The following RFX3 variants were observed in gnomAD, a reference collection of about 807,000 sequenced individuals.
RFX3 encodes transcription factor RFX3.
A neutral mutation model predicts 98.6 loss-of-function variants in RFX3; 14 were observed. The ratio of observed to expected loss-of-function variants is 0.14; its 90% CI spans 0.09 to 0.22. RFX3 has a LOEUF of 0.22. Among genes scored for constraint, RFX3 ranks in the 10% least tolerant of loss-of-function variants. The pLI is 1.00. For synonymous variants in RFX3, 383 were observed against 328.4 expected, an observed-to-expected ratio of 1.17 and a Z score of -1.80; for missense variants, 639 against 926.9, an observed-to-expected ratio of 0.69 and a Z score of 4.03.
intron 2 of RFX3, among the ~76,000 whole-genome samples, chr9:3,360,917 A>G (rs1836343864): frequency 2.6e-5 from 4 of 152,228 alleles, no homozygotes; most frequent in Non-Finnish European, 5.9e-5. Flanking sequence ...CTTATTAGTC[A>G]GCTAAGAACA....
chr9:3,257,967 T>G (rs1822358244), intron 13 of RFX3, among the ~76,000 whole-genome samples: 1 of 152,316 alleles, frequency 6.6e-6, no homozygotes. Context: ...TACTTTTCAG[T>G]GATTGCCATA....
chr9:3,238,122 C>T (rs1819423126), intron 15 of RFX3, among the ~76,000 whole-genome samples: 1 of 152,174 alleles, frequency 6.6e-6, no homozygotes, highest in African/African-American at 2.4e-5. Flanking sequence ...TACCGTGTCA[C>T]ATTATCTTTA....
chr9:3,354,660 C>T (rs1028224559), intron 2 of RFX3, among the ~76,000 whole-genome samples: 4 of 151,276 alleles, frequency 2.6e-5, no homozygotes, highest in Admixed American at 6.6e-5. Flanking sequence ...TTCTGACAAA[C>T]AAAAATACTT....
chr9:3,450,417 TAACAA>T (rs890661535), intron 1 of RFX3, among the ~76,000 whole-genome samples: 2 of 152,162 alleles, frequency 1.3e-5, no homozygotes, highest in African/African-American at 4.8e-5. Context: ...TCTCTTTCCT[TAACAA>T]AACATTCTCC....
In RFX3 at chr9:3,334,937, C is replaced by A. The variant is rs114532893; in HGVS notation, c.216-4420G>T. On this transcript the variant is annotated intron_variant, in intron 3 of 16. Transcript: ENST00000617270. Reference sequence around the variant, plus strand: ...GAGTTCGAGACCAGCCTGGCAAACACGGTGAAATTTGTCTTTACTAAAAAA... The same window carrying A: ...GAGTTCGAGACCAGCCTGGCAAACAAGGTGAAATTTGTCTTTACTAAAAAA... 4.6e-3 allele frequency among the ~76,000 whole-genome samples: 705 copies of A among 151,830 alleles called. 9 individuals are homozygous for A. Among genetic ancestry groups the A allele is most frequent in the African/African-American group, 0.016 (681 of 41,382 alleles).
rs181496047 is a variant in RFX3, at chr9:3,373,691, C to A, written c.117+21781G>T. On this transcript the variant is annotated intron_variant, in intron 2 of 16. Coordinates refer to ENST00000617270, the MANE Select transcript of RFX3 (RefSeq NM_001282116.2). ...TGGGAAGATCAATTTTATATACAGACCTGTTTGCCAAAAGCAGGAGGACAA... is the reference window on the plus strand; with the variant it reads ...TGGGAAGATCAATTTTATATACAGAACTGTTTGCCAAAAGCAGGAGGACAA... Among the ~76,000 whole-genome samples the A allele has an allele frequency of 7.7e-3, 1,170 of 152,192 alleles. 4 individuals are homozygous for A. The highest frequency in any genetic ancestry group is 0.013 in the Admixed American group (199 of 15,286).
intron 4 of RFX3, among the ~76,000 whole-genome samples, chr9:3,309,178 T>C (rs772357731): frequency 1.3e-5 from 2 of 152,146 alleles, no homozygotes; most frequent in Non-Finnish European, 2.9e-5. Context: ...TGTGACAGAC[T>C]ACAGCAGTGA....
chr9:3,221,509 G>A lies in RFX3; in HGVS notation c.*3533C>T, dbSNP rs895027180. 1 of 152,158 alleles carries A rather than the reference G, an allele frequency of 6.6e-6. No homozygotes were observed. The highest frequency in any genetic ancestry group is 2.4e-5 in the African/African-American group (1 of 41,458). The allele number at this position is 152,158 out of a possible 1,614,324, so 9.4% of individuals were successfully genotyped here. A position where few individuals can be genotyped will look rare whatever the true frequency, so the allele number is the denominator to read the frequency against. The stretch of plus-strand genomic sequence containing the variant: ...GTTTTTAAAGTACACCATCTAAAGA[G>A]AGGTGCATAAACCGTGCTATACAGT... On this transcript the variant is annotated 3_prime_UTR_variant, in exon 17 of 17. Coordinates refer to ENST00000617270, the MANE Select transcript of RFX3 (RefSeq NM_001282116.2).
chr9:3,256,396 A>C (rs749376454), intron 14 of RFX3, among the ~76,000 whole-genome samples: 2 of 151,230 alleles, frequency 1.3e-5, no homozygotes, highest in African/African-American at 4.9e-5. Flanking sequence ...AACAGTTATA[A>C]TTGATAAAAT....
At chr9:3,446,666 T>G (rs1002285886) in intron 1 of RFX3, among the ~76,000 whole-genome samples, 5 of 152,044 alleles carry the variant, frequency 3.3e-5, no homozygotes, top group Admixed American at 3.3e-4. Flanking sequence ...TTCTCAATTC[T>G]TTATGATTTT....
In RFX3 at chr9:3,313,094, C is replaced by T. The variant is rs184259996; in HGVS notation, c.475-11474G>A. Among the ~76,000 whole-genome samples the T allele has an allele frequency of 3.6e-4, 55 of 152,302 alleles. 2 individuals are homozygous for T. The highest frequency in any genetic ancestry group is 3.5e-3 in the Admixed American group (54 of 15,300). Reference sequence around the variant, plus strand: ...AAGTGGGTCCCTGACCACCAAGTAGCGTAACTGAGAGACACTTCCCAGTAG... The same window carrying T: ...AAGTGGGTCCCTGACCACCAAGTAGTGTAACTGAGAGACACTTCCCAGTAG... On this transcript the variant is annotated intron_variant, in intron 4 of 16. Transcript: ENST00000617270.
intron 2 of RFX3, among the ~76,000 whole-genome samples, chr9:3,363,708 T>A (rs933738616): frequency 2.6e-5 from 4 of 152,186 alleles, no homozygotes; most frequent in African/African-American, 7.2e-5. Context: ...AGTACAAAGA[T>A]ACAATGACAA....
chr9:3,459,587 T>G (rs1378023104), intron 1 of RFX3, among the ~76,000 whole-genome samples: 1 of 152,124 alleles, frequency 6.6e-6, no homozygotes, highest in Non-Finnish European at 1.5e-5. Flanking sequence ...TAAGTGAAAG[T>G]ATACATAATA....
intron 15 of RFX3, chr9:3,246,989 T>G (rs1183824264): frequency 1.2e-6 from 1 of 856,674 alleles, no homozygotes; most frequent in Non-Finnish European, 1.4e-6. Context: ...TTTAATGTAT[T>G]TTTATTTATA....
rs76787104 is a variant in RFX3, at chr9:3,467,524, G to C, written c.-9+58223C>G. Among the ~76,000 whole-genome samples the C allele has an allele frequency of 5.9e-3, 902 of 151,670 alleles. 10 individuals are homozygous for C. Among genetic ancestry groups the C allele is most frequent in the African/African-American group, 0.021 (863 of 41,332 alleles). ...ACATGAAAATTATTTCTCAAGGAAA[G>C]GTTATATTCATAACTTCTTCTAAGG... is the stretch of plus-strand genomic sequence containing the variant. On this transcript the variant is annotated intron_variant, in intron 1 of 16. Coordinates refer to ENST00000617270, the MANE Select transcript of RFX3 (RefSeq NM_001282116.2).
In RFX3 at chr9:3,221,261, T is replaced by G. The variant is rs1586625050; in HGVS notation, c.*3781A>C. 1 of 152,272 alleles carries G rather than the reference T, an allele frequency of 6.6e-6. No individual in the cohort carries two copies. The highest frequency in any genetic ancestry group is 1.9e-4 in the East Asian group (1 of 5,184). 9.4% of individuals were successfully genotyped at this position (152,272 alleles called of 1,614,324 possible). ...ATTTCAAATATATCATCTGAGGAAT[T>G]TTTAAAAATTTGAAAATGCATTTAG... On this transcript the variant is annotated 3_prime_UTR_variant, in exon 17 of 17. Coordinates refer to ENST00000617270, the MANE Select transcript of RFX3 (RefSeq NM_001282116.2).
At chr9:3,414,671 T>TATGA (rs1288088635) in intron 1 of RFX3, among the ~76,000 whole-genome samples, 5 of 111,386 alleles carry the variant, frequency 4.5e-5, no homozygotes, top group East Asian at 2.4e-4. Context: ...TGAGTATATA[T>TATGA]GTATATATGA....
chr9:3,300,799 G>A (rs936721512), intron 5 of RFX3, among the ~76,000 whole-genome samples: 1 of 151,706 alleles, frequency 6.6e-6, no homozygotes, highest in East Asian at 1.9e-4. Context: ...TTTTTATTCA[G>A]CATTTTCATT....
At chr9:3,386,006 T>G (rs1419342486) in intron 2 of RFX3, among the ~76,000 whole-genome samples, 1 of 152,148 alleles carries the variant, frequency 6.6e-6, no homozygotes, top group Non-Finnish European at 1.5e-5. Flanking sequence ...GGGTGCCTAT[T>G]CAAAGTGAAA....
Sources: gnomAD v4.1 joint callset for allele counts (sites outside exome capture counted in the v4.1 genomes callset) on GRCh38, gnomAD v4.1.1 for gene constraint, MANE v1.5 for transcripts, NCBI Gene and HGNC (gene_info 2026-07-23, HGNC 2026-07-21) for gene names.